Variants in ATP11A observed in about 807,000 individuals in gnomAD.
ATP11A encodes the protein ATPase phospholipid transporting 11A.
A neutral mutation model predicts 154.4 loss-of-function variants in ATP11A; 81 were observed. That is an observed-to-expected ratio of 0.52 (90% CI 0.44 to 0.63). ATP11A has a LOEUF of 0.63. Ranked by LOEUF, ATP11A falls within the 30% of genes least tolerant of loss-of-function variation. The pLI, the probability that ATP11A is intolerant of heterozygous loss-of-function variation, is 0.00. For missense variants in ATP11A, 1,316 were observed against 1,474.3 expected (o/e 0.89, Z 1.76); for synonymous variants, 623 against 585.9 (o/e 1.06, Z -0.91).
chr13:112,773,701 G>T lies in ATP11A; in HGVS notation c.40-11434G>T, dbSNP rs539686320. Among the ~76,000 whole-genome samples the T allele has an allele frequency of 3.3e-5, 5 of 152,350 alleles. No homozygotes were observed. The South Asian group carries it at 1.0e-3, about 32-fold the overall frequency. The stretch of plus-strand genomic sequence containing the variant: ...CAACACTGTTGATAGCAGCTGTGGC[G>T]CTGGGCTCCATGCAGCCTGCAGCAG... On this transcript the variant is annotated intron_variant, in intron 1 of 29. Coordinates refer to ENST00000375645, the MANE Select transcript of ATP11A (RefSeq NM_015205.3).
In ATP11A at chr13:112,859,302, C is replaced by T; in HGVS notation, c.2668-91C>T. ...GCCGCACGCTGGGTGCACGTGGATC[C>T]CTCCTCCCATGTGGGGTGGGCCACG... On this transcript the variant is annotated intron_variant, in intron 22 of 29. Transcript: ENST00000375645. This position sits in a 1 kb window ranked among gnomAD's most constrained non-coding sequence, Gnocchi z 4.3. 1 of 994,936 alleles carries T rather than the reference C, an allele frequency of 1.0e-6. No individual in the cohort carries two copies. The highest frequency in any genetic ancestry group is 1.3e-5 in the South Asian group (1 of 78,230). 61.6% of individuals were successfully genotyped at this position (994,936 alleles called of 1,614,324 possible).
chr13:112,823,280 C>T (rs375961305), intron 8 of ATP11A, 65 bp from the exon 9 acceptor site: 169 of 1,288,766 alleles, frequency 1.3e-4, no homozygotes, highest in Non-Finnish European at 1.5e-4. Flanking sequence ...ACGTCTGCCT[C>T]TTGCCCCCCG....
At chr13:112,814,499 A>G (rs577526838) in intron 5 of ATP11A, among the ~76,000 whole-genome samples, 1 of 152,068 alleles carries the variant, frequency 6.6e-6, no homozygotes, top group Admixed American at 6.5e-5. Flanking sequence ...ATTTAAGTTC[A>G]TGATCCATTT....
intron 1 of ATP11A, among the ~76,000 whole-genome samples, chr13:112,718,833 G>A (rs1166516723): frequency 6.6e-6 from 1 of 151,988 alleles, no homozygotes; most frequent in African/African-American, 2.4e-5. Flanking sequence ...AACACTCCCA[G>A]CTAATTTTTT....
intron 1 of ATP11A, among the ~76,000 whole-genome samples, chr13:112,777,630 T>C (rs2077379937): frequency 6.6e-6 from 1 of 152,218 alleles, no homozygotes. Flanking sequence ...GGTAGCTGCA[T>C]TGATGCAATT....
In ATP11A at chr13:112,712,000, C is replaced by T. The variant is rs763866882; in HGVS notation, c.39+21545C>T. Among the ~76,000 whole-genome samples the T allele has an allele frequency of 4.4e-4, 67 of 152,200 alleles. 1 individual carries two copies. Among genetic ancestry groups the T allele is most frequent in the Non-Finnish European group, 8.1e-4 (55 of 68,040 alleles). ...TCTCCCAGCCCTGTTGTCTGGGTAG[C>T]AACGTGCTGAACCCAGAGTGAGAAC... On this transcript the variant is annotated intron_variant, in intron 1 of 29. Coordinates refer to ENST00000375645, the MANE Select transcript of ATP11A (RefSeq NM_015205.3).
At position 112,724,693 on chromosome 13, in the gene ATP11A, C is replaced by G. The variant is rs185801113; in HGVS notation, c.39+34238C>G. On this transcript the variant is annotated intron_variant, in intron 1 of 29. Coordinates refer to ENST00000375645, the MANE Select transcript of ATP11A (RefSeq NM_015205.3). ...CCCTGTCCTGGGGTGAGGCCGGCCC[C>G]CCCCCAGGAAGCTGTTTGGGGCCCA... Among the ~76,000 whole-genome samples the G allele has an allele frequency of 7.7e-3, 1,166 of 152,210 alleles. 6 individuals are homozygous for G. Among genetic ancestry groups the G allele is most frequent in the Non-Finnish European group, 0.013 (852 of 68,004 alleles).
chr13:112,815,161 A>G (rs1052662286), intron 5 of ATP11A, among the ~76,000 whole-genome samples: 28 of 152,036 alleles, frequency 1.8e-4, no homozygotes, highest in African/African-American at 6.3e-4. Flanking sequence ...CAGATCTGCA[A>G]TGGCTTCCTC....
chr13:112,834,709 G>A (rs747209636), intron 15 of ATP11A, 49 bp downstream of exon 15: 1 of 1,431,858 alleles, frequency 7.0e-7, no homozygotes, highest in Non-Finnish European at 9.8e-7. Context: ...CGAATAAAGA[G>A]TGTTCTTTAT....
chr13:112,741,255 G>A (rs1891513498), intron 1 of ATP11A, among the ~76,000 whole-genome samples: 1 of 151,842 alleles, frequency 6.6e-6, no homozygotes, highest in African/African-American at 2.4e-5. Flanking sequence ...CACTGGGGGT[G>A]GAGAAGGTGG....
intron 5 of ATP11A, among the ~76,000 whole-genome samples, chr13:112,813,255 C>T (rs2140171831): frequency 6.6e-6 from 1 of 152,270 alleles, no homozygotes; most frequent in East Asian, 1.9e-4. Context: ...TACGGGATCA[C>T]ATGTGGTAGT....
chr13:112,825,353 A>T (rs1204949165), intron 10 of ATP11A, 77 bp from the exon 11 acceptor site: 1 of 1,477,480 alleles, frequency 6.8e-7, no homozygotes, highest in East Asian at 2.3e-5. Flanking sequence ...ACGAGGTGTC[A>T]TCTTGATATC....
chr13:112,725,456 C>A (rs143439888), intron 1 of ATP11A, among the ~76,000 whole-genome samples: 1 of 152,220 alleles, frequency 6.6e-6, no homozygotes, highest in Non-Finnish European at 1.5e-5. Flanking sequence ...GTTTCTCAGC[C>A]GCTGCCTTCA....
At chr13:112,881,424 G>T (rs1436676385) in intron 29 of ATP11A, 6 of 1,051,514 alleles carry the variant, frequency 5.7e-6, no homozygotes, top group Non-Finnish European at 5.7e-6. Flanking sequence ...TTCGCCTTTT[G>T]TTCAAGGGTC....
At chr13:112,860,965 G>C (rs1245230746) in intron 24 of ATP11A, among the ~76,000 whole-genome samples, 1 of 152,138 alleles carries the variant, frequency 6.6e-6, no homozygotes, top group Non-Finnish European at 1.5e-5. Flanking sequence ...CTGCTGTGAA[G>C]ACATACCTGA....
Position 112,882,053 on chromosome 13 carries a change from A to T in ATP11A, c.*187A>T. 1 of 1,367,636 alleles carries T rather than the reference A, an allele frequency of 7.3e-7. No homozygotes were observed. The highest frequency in any genetic ancestry group is 9.8e-7 in the Non-Finnish European group (1 of 1,021,964). 84.7% of individuals were successfully genotyped at this position (1,367,636 alleles called of 1,614,324 possible). A position where few individuals can be genotyped will look rare whatever the true frequency, so the allele number is the denominator to read the frequency against. On this transcript the variant is annotated 3_prime_UTR_variant, in exon 30 of 30. Coordinates refer to ENST00000375645, the MANE Select transcript of ATP11A (RefSeq NM_015205.3). This position sits in a 1 kb window ranked among gnomAD's most constrained non-coding sequence, Gnocchi z 5.1. ...CAGCTGCCCTAGGTCCCGTGTGGGAATGCTCGTGTGATGGATGGTCCTAAG... is the reference window on the plus strand; with the variant it reads ...CAGCTGCCCTAGGTCCCGTGTGGGATTGCTCGTGTGATGGATGGTCCTAAG...
rs2078912352 is a variant in ATP11A at position 112,825,586 on chromosome 13, G to C, written c.1023+6G>C. ...CGGAAAGGCAGAGGAATCTGGTATG[G>C]AGAATCACTGCCCTTGTATGATCCG... On this transcript the variant is annotated splice_donor_region_variant and intron_variant, in intron 11 of 29. Coordinates refer to ENST00000375645, the MANE Select transcript of ATP11A (RefSeq NM_015205.3). The C allele has an allele frequency of 1.9e-6, 3 of 1,610,644 alleles. No individual in the cohort carries two copies.
intron 18 of ATP11A, among the ~76,000 whole-genome samples, chr13:112,853,841 T>C (rs2079846318): frequency 6.6e-6 from 1 of 152,156 alleles, no homozygotes; most frequent in African/African-American, 2.4e-5. Flanking sequence ...AGTGACAAAC[T>C]TAGAACAGTT....
chr13:112,881,560 C>T (rs1354711604), intron 29 of ATP11A: 15 of 1,151,638 alleles, frequency 1.3e-5, no homozygotes, highest in Non-Finnish European at 1.3e-5. Flanking sequence ...GATGGTGGGA[C>T]AGGGGGACGG....
Sources: gnomAD v4.1 joint callset for allele counts (sites outside exome capture counted in the v4.1 genomes callset) on GRCh38, gnomAD v4.1.1 for gene constraint, Gnocchi (gnomAD v3.1) non-coding constraint, MANE v1.5 for transcripts, NCBI Gene and HGNC (gene_info 2026-07-23, HGNC 2026-07-21) for gene names.